MAP3K11: variants seen among roughly 807,000 people sequenced by gnomAD.
MAP3K11 encodes SH3 domain-containing proline-rich kinase.
Under a neutral mutation model 84.9 loss-of-function variants are expected in MAP3K11, and 46 were observed. The ratio of observed to expected loss-of-function variants is 0.54; its 90% CI spans 0.43 to 0.69. The LOEUF is 0.69. Among genes scored for constraint, MAP3K11 ranks in the 30% least tolerant of loss-of-function variants. The pLI is 0.00. For missense variants in MAP3K11, 1,053 were observed against 1,198.3 expected (o/e 0.88, Z 1.79); for synonymous variants, 527 against 514.7 (o/e 1.02, Z -0.32).
At chr11:65,607,209 C>T (rs986809915) in intron 5 of MAP3K11, 61 bp downstream of exon 5, 36 of 1,428,954 alleles carry the variant, frequency 2.5e-5, no homozygotes, top group Non-Finnish European at 3.2e-5. Context: ...AGCACACAGG[C>T]CTGGCTCCAC....
In MAP3K11 at chr11:65,606,722, C is replaced by G. The variant is rs1173085002; in HGVS notation, c.1572G>C (p.Ser524=). The G allele has an allele frequency of 2.5e-6, 4 of 1,601,436 alleles. No homozygotes were observed. The highest frequency in any genetic ancestry group is 2.3e-5 in the East Asian group (1 of 43,352). The change falls in exon 6 of 10, where the codon TCG becomes TCC. Residue 524 remains serine, a synonymous_variant. Coordinates refer to ENST00000309100, the MANE Select transcript of MAP3K11 (RefSeq NM_002419.4). ...TGGCTCGGAACCGGGGAAAGGTGGG[C>G]GAATCCCCAGGCCCGACCTCGAAGA... ...RNVFEVGPGD[S]PTFPRFRAIQ...
chr11:65,607,249 G>A (rs1854520612), intron 5 of MAP3K11, 21 bp downstream of exon 5: 7 of 1,466,382 alleles, frequency 4.8e-6, no homozygotes, highest in African/African-American at 1.5e-5. Flanking sequence ...GGCGGGGGAC[G>A]CCCCGGGGCC....
In MAP3K11 at chr11:65,607,361, G is replaced by A; in HGVS notation, c.1398C>T (p.Arg466=). Residue 466 remains arginine, a synonymous_variant, in exon 5 of 10, where the codon CGC becomes CGT. Transcript: ENST00000309100. The part of the protein sequence containing the change: ...ELTLLLQQVD[R]ERPHVRRRRG... ...GGCGGCGGCGCACGTGCGGTCGCTC[G>A]CGGTCCACCTGCTGCAGCAGCAGCG... 2 of 1,497,918 alleles carry A rather than the reference G, an allele frequency of 1.3e-6. No homozygotes were observed. Among genetic ancestry groups the A allele is most frequent in the African/African-American group, 2.9e-5 (2 of 69,670 alleles). The allele number at this position is 1,497,918 out of a possible 1,614,324, so 92.8% of individuals were successfully genotyped here.
At chr11:65,598,858 G>T (rs1362428281) in intron 9 of MAP3K11, among the ~76,000 whole-genome samples, 1 of 152,186 alleles carries the variant, frequency 6.6e-6, no homozygotes, top group East Asian at 1.9e-4. Context: ...CTTACTAGCT[G>T]TGGGAGCTGT....
rs1046610350 is a variant in MAP3K11 at position 65,599,412 on chromosome 11, G to A, written c.2188C>T (p.Arg730Cys). Residue 730 changes from arginine to cysteine, a missense_variant, in exon 9 of 10, where the codon CGT (arginine) becomes TGT (cysteine). Around this residue, in one of 3 missense-constraint regions of MAP3K11, gnomAD observed 583 missense variants for 566.6 expected, o/e 1.03. Coordinates refer to ENST00000309100, the MANE Select transcript of MAP3K11 (RefSeq NM_002419.4). ...VGQRSAKSPR[R>C]EEEPRGGTVS... ...CACTCACCGCGGGGCTCCTCCTCAC[G>A]TCGGGGGCTCTTGGCTGACCGCTGG... 45 of 1,532,574 alleles carry A rather than the reference G, an allele frequency of 2.9e-5. No homozygotes were observed. The East Asian group carries it at 4.5e-4, about 15-fold the overall frequency. 94.9% of individuals were successfully genotyped at this position (1,532,574 alleles called of 1,614,324 possible).
chr11:65,613,607 G>A lies in MAP3K11; in HGVS notation c.150C>T (p.Phe50=), dbSNP rs754982512. ...CATCCTGCCCACTGGGCTCGTAGTC[G>A]AACAGGGCTGTCCACACCGGGTTGG... is the stretch of plus-strand genomic sequence containing the variant. ...GYANPVWTAL[F]DYEPSGQDEL... The change falls in exon 1 of 10, where the codon TTC becomes TTT. Residue 50 remains phenylalanine, a synonymous_variant. Coordinates refer to ENST00000309100, the MANE Select transcript of MAP3K11 (RefSeq NM_002419.4). 1.2e-6 allele frequency: 2 copies of A among 1,613,092 alleles called. No individual in the cohort carries two copies. The highest frequency in any genetic ancestry group is 1.7e-6 in the Non-Finnish European group (2 of 1,179,998).
chr11:65,606,850 T>A, intron 5 of MAP3K11, 46 bp from the exon 6 acceptor site: 1 of 1,315,216 alleles, frequency 7.6e-7, no homozygotes, highest in Non-Finnish European at 1.1e-6. Context: ...TGTGATGAAG[T>A]AGAGCCAGGA....
intron 5 of MAP3K11, 159 bp downstream of exon 5, chr11:65,607,111 A>G (rs1263789542): frequency 3.3e-5 from 35 of 1,047,122 alleles, no homozygotes; most frequent in Non-Finnish European, 4.4e-5. Context: ...CCGCCCACAG[A>G]CAGAAAAAAA....
At chr11:65,599,328 C>T (rs1854421672) in intron 9 of MAP3K11, 66 bp downstream of exon 9, 6 of 1,466,358 alleles carry the variant, frequency 4.1e-6, no homozygotes, top group Non-Finnish European at 5.4e-6. Context: ...TCCCCACCAG[C>T]CACTCCTCCC....
At position 65,598,271 on chromosome 11, in the gene MAP3K11, G is replaced by C. The variant is rs764474783; in HGVS notation, c.*20C>G. On this transcript the variant is annotated 3_prime_UTR_variant, in exon 10 of 10. Coordinates refer to ENST00000309100, the MANE Select transcript of MAP3K11 (RefSeq NM_002419.4). ...ACTCCTCCTAAGGCAGCTGGAGCTC[G>C]GGGGAGTGGCCTGGCCCACTCAAGG... is the stretch of plus-strand genomic sequence containing the variant. 2 of 1,430,666 alleles carry C rather than the reference G, an allele frequency of 1.4e-6. No individual in the cohort carries two copies. The highest frequency in any genetic ancestry group is 1.8e-6 in the Non-Finnish European group (2 of 1,089,864). The allele number at this position is 1,430,666 out of a possible 1,614,324, so 88.6% of individuals were successfully genotyped here. A position where few individuals can be genotyped will look rare whatever the true frequency, so the allele number is the denominator to read the frequency against.
Position 65,599,474 on chromosome 11 carries a change from G to T in MAP3K11, c.2126C>A (p.Pro709His). Residue 709 changes from proline to histidine, a missense_variant, in exon 9 of 10, where the codon CCT (proline) becomes CAT (histidine). Pro to His is a moderately conservative substitution (Grantham distance 77, BLOSUM62 -2). Around this residue, in one of 3 missense-constraint regions of MAP3K11, gnomAD observed 583 missense variants for 566.6 expected, o/e 1.03. Transcript: ENST00000309100. ...ACCCAGGTCCAGCAACAGGGGTGCA[G>T]GAGTGGGCGGGGAGTCGGGCGTCTT... ...SLKTPDSPPT[P>H]APLLLDLGIP... is the part of the protein sequence containing the mutation. 6.6e-7 allele frequency: 1 copy of T among 1,508,528 alleles called. No homozygotes were observed. Among genetic ancestry groups the T allele is most frequent in the Non-Finnish European group, 8.8e-7 (1 of 1,136,662 alleles). 93.4% of individuals were successfully genotyped at this position (1,508,528 alleles called of 1,614,324 possible).
At position 65,613,826 on chromosome 11, in the gene MAP3K11, T is replaced by G; in HGVS notation, c.-70A>C. Reference sequence around the variant, plus strand: ...GCCCGTGGTCCCCACCCCCGCTGGCTGCCAAGGCCCTAGTCCCGGAACCTG... The same window carrying G: ...GCCCGTGGTCCCCACCCCCGCTGGCGGCCAAGGCCCTAGTCCCGGAACCTG... On this transcript the variant is annotated 5_prime_UTR_variant, in exon 1 of 10. Coordinates refer to ENST00000309100, the MANE Select transcript of MAP3K11 (RefSeq NM_002419.4). 6.9e-7 allele frequency: 1 copy of G among 1,446,860 alleles called. No homozygotes were observed. The highest frequency in any genetic ancestry group is 9.1e-7 in the Non-Finnish European group (1 of 1,100,922). The allele number at this position is 1,446,860 out of a possible 1,614,324, so 89.6% of individuals were successfully genotyped here. A position where few individuals can be genotyped will look rare whatever the true frequency, so the allele number is the denominator to read the frequency against.
chr11:65,605,692 T>C (rs954910836), intron 8 of MAP3K11, 69 bp downstream of exon 8: 23 of 1,169,546 alleles, frequency 2.0e-5, no homozygotes, highest in Admixed American at 4.6e-5. Context: ...TACTAGCCTA[T>C]TGTGGCCTCC....
At chr11:65,606,413 AAAAT>A (rs1476631985) in intron 6 of MAP3K11, 1 of 423,240 alleles carries the variant, frequency 2.4e-6, no homozygotes, top group African/African-American at 2.1e-5. Flanking sequence ...ATTAACAACA[AAAAT>A]AACTACCAAA....
rs1854525474 is a variant in MAP3K11, at chr11:65,607,527, A to G, written c.1246-14T>C. 3 of 1,556,920 alleles carry G rather than the reference A, an allele frequency of 1.9e-6. No homozygotes were observed. The highest frequency in any genetic ancestry group is 2.6e-6 in the Non-Finnish European group (3 of 1,158,296). On this transcript the variant is annotated splice_polypyrimidine_tract_variant and intron_variant, in intron 4 of 9. Coordinates refer to ENST00000309100, the MANE Select transcript of MAP3K11 (RefSeq NM_002419.4). ...GCTCAGTAGTTCCTGCGCCCGAGAC[A>G]GCGATGGTGGAGAGGTCAGCCTGGC... is the stretch of plus-strand genomic sequence containing the variant.
At chr11:65,601,217 G>C (rs1303354044) in intron 8 of MAP3K11, among the ~76,000 whole-genome samples, 1 of 152,080 alleles carries the variant, frequency 6.6e-6, no homozygotes, top group Non-Finnish European at 1.5e-5. Context: ...GCATGCCTGC[G>C]CACACACTAT....
At position 65,602,969 on chromosome 11, in the gene MAP3K11, G is replaced by A. The variant is rs1214056480; in HGVS notation, c.1831+2792C>T. On this transcript the variant is annotated intron_variant, in intron 8 of 9. Coordinates refer to ENST00000309100, the MANE Select transcript of MAP3K11 (RefSeq NM_002419.4). ...AAAAATATAAAAATTAGCCAAGCAT[G>A]GCATGCACCTGTAGTCCCTGCTACT... Among the ~76,000 whole-genome samples the A allele has an allele frequency of 3.3e-5, 5 of 152,282 alleles. No homozygotes were observed. In the East Asian group the frequency reaches 9.6e-4, roughly 29 times the overall value.
rs762540493 is a variant in MAP3K11 at position 65,605,763 on chromosome 11, T to C, written c.1829A>G (p.Asn610Ser). 1.9e-6 allele frequency: 3 copies of C among 1,599,910 alleles called. No homozygotes were observed. The highest frequency in any genetic ancestry group is 2.3e-5 in the East Asian group (1 of 43,982). The change falls in exon 8 of 10, where the codon AAT becomes AGT. Residue 610 changes from asparagine (N) to serine (S), a missense_variant and splice_region_variant. Physicochemically the swap from Asn to Ser is conservative, Grantham distance 46. This residue lies in a region of MAP3K11 where 583 missense variants were observed against 566.6 expected (regional missense o/e 1.03). Coordinates refer to ENST00000309100, the MANE Select transcript of MAP3K11 (RefSeq NM_002419.4). ...GCCGGGGGAGGAAGGCCACTCACCA[T>C]TGAGTGCTGGGGGTGTGGAAGGAGA... Reference protein sequence around the residue: ...LGSPSTPPALNGNPPRPSLEP... With the variant: ...LGSPSTPPALSGNPPRPSLEP...
At position 65,607,655 on chromosome 11, in the gene MAP3K11, G is replaced by A; in HGVS notation, c.1231C>T (p.Arg411Ter). The change falls in exon 4 of 10, where the codon CGA becomes TGA. Residue 411 changes from arginine (R) to a stop codon, truncating the protein, a stop_gained. Coordinates refer to ENST00000309100, the MANE Select transcript of MAP3K11 (RefSeq NM_002419.4). LOFTEE classifies it high-confidence loss of function. ...REIQGLFDEL[R>*]AKEKELLSRE... is the part of the protein sequence containing the mutation. ...ATTCCTCGCACCTTTTCCTTGGCTC[G>A]CAGCTCGTCGAAGAGACCCTGGATC... The A allele has an allele frequency of 1.2e-6, 2 of 1,608,036 alleles. No individual in the cohort carries two copies. The highest frequency in any genetic ancestry group is 1.3e-5 in the African/African-American group (1 of 74,904).
Sources: gnomAD v4.1 joint callset for allele counts (sites outside exome capture counted in the v4.1 genomes callset) on GRCh38, gnomAD v4.1.1 for gene constraint, gnomAD v4.1.1 regional missense constraint, MANE v1.5 for transcripts, NCBI Gene and HGNC (gene_info 2026-07-23, HGNC 2026-07-21) for gene names.